UQCC1: variants seen among roughly 807,000 people sequenced by gnomAD.
UQCC1 encodes bFGF-repressed Zic-binding protein.
In UQCC1, 38 loss-of-function variants were observed where a neutral mutation model predicts 48.0. The ratio of observed to expected loss-of-function variants is 0.79; its 90% CI spans 0.61 to 1.04. The LOEUF is 1.04. UQCC1 is among the 50% of genes least tolerant of loss of function. The probability of loss-of-function intolerance (pLI) is 0.00; values close to 1 mark genes in which losing one functional copy is unlikely to be tolerated. For missense variants in UQCC1, 368 were observed against 381.8 expected (o/e 0.96, Z 0.30); for synonymous variants, 111 against 129.2 (o/e 0.86, Z 0.95).
intron 7 of UQCC1, among the ~76,000 whole-genome samples, chr20:35,338,892 A>AAAAAAAAAAATAT (rs1555805500): frequency 3.3e-5 from 1 of 30,560 alleles, no homozygotes; most frequent in Non-Finnish European, 4.8e-5. Flanking sequence ...AAAAAAAAAA[A>AAAAAAAAAAATAT]ATATATATAT....
intron 1 of UQCC1, among the ~76,000 whole-genome samples, chr20:35,411,595 A>G (rs1601055475): frequency 6.6e-6 from 1 of 152,298 alleles, no homozygotes; most frequent in African/African-American, 2.4e-5. Context: ...TGCATCAGTG[A>G]CAGTCAGGGA....
intron 5 of UQCC1, among the ~76,000 whole-genome samples, chr20:35,367,092 T>TAAAAAA (rs72469122): frequency 2.6e-4 from 26 of 101,702 alleles, no homozygotes; most frequent in Non-Finnish European, 3.6e-4. Context: ...AGACTCTGTC[T>TAAAAAA]AAAAAAAAAA....
intron 8 of UQCC1, among the ~76,000 whole-genome samples, chr20:35,307,570 G>A (rs2060943268): frequency 6.6e-6 from 1 of 152,192 alleles, no homozygotes; most frequent in African/African-American, 2.4e-5. Flanking sequence ...GAAGGTGGCT[G>A]ATGGAACAGG....
intron 7 of UQCC1, among the ~76,000 whole-genome samples, chr20:35,340,385 C>T (rs2061363983): frequency 6.6e-6 from 1 of 152,350 alleles, no homozygotes; most frequent in South Asian, 2.1e-4. Flanking sequence ...CCCCTAATAA[C>T]TGACTATCCA....
intron 6 of UQCC1, among the ~76,000 whole-genome samples, chr20:35,352,192 G>A (rs1269360478): frequency 6.6e-6 from 1 of 152,234 alleles, no homozygotes; most frequent in Non-Finnish European, 1.5e-5. Context: ...AAAGACAAAG[G>A]GAATGTCCAG....
intron 6 of UQCC1, among the ~76,000 whole-genome samples, chr20:35,353,609 A>G (rs1353008258): frequency 1.3e-5 from 2 of 151,972 alleles, no homozygotes; most frequent in East Asian, 3.9e-4. Context: ...AAGGTAACAA[A>G]GTAAGACCCC....
chr20:35,389,349 G>T (rs567038950), intron 2 of UQCC1, among the ~76,000 whole-genome samples: 2 of 152,230 alleles, frequency 1.3e-5, no homozygotes, highest in Admixed American at 1.3e-4. Context: ...TAGATCACAA[G>T]GTCAGGAGAT....
chr20:35,348,891 G>C (rs1676144301), intron 6 of UQCC1, among the ~76,000 whole-genome samples: 1 of 152,188 alleles, frequency 6.6e-6, no homozygotes, highest in Non-Finnish European at 1.5e-5. Context: ...CTGGGCTCAA[G>C]ACTTCCTCCC....
intron 7 of UQCC1, among the ~76,000 whole-genome samples, chr20:35,329,034 C>A (rs1030184260): frequency 2.0e-5 from 3 of 152,124 alleles, no homozygotes; most frequent in African/African-American, 7.2e-5. Context: ...TGAAACAATT[C>A]TTAATAAAAC....
In UQCC1 at chr20:35,374,190, A is replaced by G; in HGVS notation, c.400T>C (p.Phe134Leu). Residue 134 changes from phenylalanine (F) to leucine (L), a missense_variant, in exon 5 of 10, where the codon TTT (phenylalanine) becomes CTT (leucine). Transcript: ENST00000374385. Reference sequence around the variant, plus strand: ...CTATCAAACAATAACTTACTTAGAAAGAATTCCTCGAAGTCAGTTTTCTCC... The same window carrying G: ...CTATCAAACAATAACTTACTTAGAAGGAATTCCTCGAAGTCAGTTTTCTCC... ...CVEKTDFEEF[F>L]LRCQMPDTFN... 6.2e-7 allele frequency: 1 copy of G among 1,610,554 alleles called. No homozygotes were observed. Among genetic ancestry groups the G allele is most frequent in the East Asian group, 2.2e-5 (1 of 44,786 alleles).
chr20:35,406,728 ATTCTTT>A (rs1229342071), intron 1 of UQCC1, among the ~76,000 whole-genome samples: 5 of 152,338 alleles, frequency 3.3e-5, no homozygotes, highest in South Asian at 2.1e-4. Context: ...TTTGTTTGTA[ATTCTTT>A]TTCTTTTTAA....
At chr20:35,373,634 C>A (rs1442852470) in intron 5 of UQCC1, among the ~76,000 whole-genome samples, 1 of 147,880 alleles carries the variant, frequency 6.8e-6, no homozygotes, top group Non-Finnish European at 1.5e-5. Context: ...TTACACTGAG[C>A]CAAGATCGTA....
chr20:35,367,230 C>T (rs1224959547), intron 5 of UQCC1, among the ~76,000 whole-genome samples: 2 of 151,978 alleles, frequency 1.3e-5, no homozygotes, highest in Non-Finnish European at 2.9e-5. Context: ...TTGGTTTTCT[C>T]ACTTTGCAGA....
intron 5 of UQCC1, among the ~76,000 whole-genome samples, chr20:35,370,531 C>A (rs987137815): frequency 3.3e-5 from 5 of 152,112 alleles, no homozygotes; most frequent in African/African-American, 4.8e-5. Context: ...ACTTAATCTA[C>A]CCACAAATGA....
At chr20:35,380,104 TC>T (rs1421093557) in intron 4 of UQCC1, among the ~76,000 whole-genome samples, 1 of 152,182 alleles carries the variant, frequency 6.6e-6, no homozygotes, top group African/African-American at 2.4e-5. Flanking sequence ...TGTAAATGTT[TC>T]TTTTCTTTTT....
chr20:35,373,006 G>A (rs748472042), intron 5 of UQCC1, among the ~76,000 whole-genome samples: 12 of 152,332 alleles, frequency 7.9e-5, no homozygotes, highest in South Asian at 2.1e-4. Flanking sequence ...ACAGTTAGGT[G>A]TATGCTGCTT....
At chr20:35,312,008 G>A (rs753746617) in intron 8 of UQCC1, among the ~76,000 whole-genome samples, 8 of 152,118 alleles carry the variant, frequency 5.3e-5, no homozygotes, top group Non-Finnish European at 8.8e-5. Context: ...CTGCCAGAAT[G>A]GACTGGATGG....
At chr20:35,387,713 T>C (rs534874752) in intron 2 of UQCC1, among the ~76,000 whole-genome samples, 4 of 152,246 alleles carry the variant, frequency 2.6e-5, no homozygotes, top group African/African-American at 9.6e-5. Flanking sequence ...CTCAGAGATA[T>C]TCTGGTCCAA....
At chr20:35,406,827 A>G (rs1306473415) in intron 1 of UQCC1, among the ~76,000 whole-genome samples, 4 of 152,254 alleles carry the variant, frequency 2.6e-5, no homozygotes, top group East Asian at 1.9e-4. Context: ...TTAGATGACA[A>G]TAACACAATG....
Sources: allele counts gnomAD v4.1 joint callset (sites outside exome capture counted in the v4.1 genomes callset), GRCh38; gene constraint gnomAD v4.1.1; transcripts MANE v1.5; gene names NCBI Gene and HGNC (gene_info 2026-07-23, HGNC 2026-07-21).